Variants in CCDC30 observed in about 807,000 individuals in gnomAD.
The protein encoded by CCDC30 is coiled-coil domain-containing protein 30.
A neutral mutation model predicts 100.2 loss-of-function variants in CCDC30; 70 were observed. The ratio of observed to expected loss-of-function variants is 0.70; its 90% CI spans 0.58 to 0.85. The LOEUF is 0.85. Ranked by LOEUF, CCDC30 falls within the 40% of genes least tolerant of loss-of-function variation. CCDC30 has a pLI of 0.00. For synonymous variants in CCDC30, 233 were observed against 269.5 expected (o/e 0.86, Z 1.33); for missense variants, 652 against 771.2 (o/e 0.85, Z 1.83).
At chr1:42,546,787 A>C (rs1645154161) in intron 6 of CCDC30, among the ~76,000 whole-genome samples, 1 of 152,112 alleles carries the variant, frequency 6.6e-6, no homozygotes, top group Non-Finnish European at 1.5e-5. Context: ...AACCAAAAGT[A>C]TCTTTCACAG....
intron 11 of CCDC30, among the ~76,000 whole-genome samples, chr1:42,619,126 A>T (rs914864549): frequency 2.0e-5 from 3 of 152,092 alleles, no homozygotes; most frequent in African/African-American, 7.2e-5. Context: ...GCAGTCAATC[A>T]CTCCGGCATG....
At chr1:42,545,987 A>G (rs1033983637) in intron 6 of CCDC30, among the ~76,000 whole-genome samples, 2 of 151,318 alleles carry the variant, frequency 1.3e-5, no homozygotes, top group African/African-American at 4.9e-5. Context: ...TTCATTTCCA[A>G]ATTATGTGAG....
At chr1:42,583,361 A>G (rs1440614550) in intron 9 of CCDC30, among the ~76,000 whole-genome samples, 1 of 152,226 alleles carries the variant, frequency 6.6e-6, no homozygotes, top group Non-Finnish European at 1.5e-5. Context: ...ATATGTATGC[A>G]CTATTTAAAC....
chr1:42,626,218 T>A (rs1266441266), intron 11 of CCDC30, among the ~76,000 whole-genome samples: 1 of 152,188 alleles, frequency 6.6e-6, no homozygotes, highest in African/African-American at 2.4e-5. Context: ...TCCTTTTCCA[T>A]CCCTTTGTTT....
chr1:42,508,744 A>C (rs558615213), intron 6 of CCDC30, among the ~76,000 whole-genome samples: 1 of 152,214 alleles, frequency 6.6e-6, no homozygotes, highest in Admixed American at 6.5e-5. Flanking sequence ...AGACTACCAG[A>C]AGTTATCTTA....
intron 6 of CCDC30, among the ~76,000 whole-genome samples, chr1:42,543,854 G>A (rs930390426): frequency 1.3e-5 from 2 of 152,110 alleles, no homozygotes; most frequent in South Asian, 2.1e-4. Flanking sequence ...GAATTGAAAA[G>A]GCATAGGAAA....
At chr1:42,470,675 CATT>C (rs1469257294) in intron 1 of CCDC30, among the ~76,000 whole-genome samples, 20 of 152,158 alleles carry the variant, frequency 1.3e-4, no homozygotes, top group Admixed American at 1.3e-3. Context: ...ATCTTGAAGA[CATT>C]ATGCTGCATG....
At chr1:42,503,587 A>T (rs1162259006) in intron 6 of CCDC30, among the ~76,000 whole-genome samples, 2 of 152,210 alleles carry the variant, frequency 1.3e-5, no homozygotes, top group Non-Finnish European at 1.5e-5. Flanking sequence ...AAGAGAAGAG[A>T]AGATGGAGCT....
intron 6 of CCDC30, among the ~76,000 whole-genome samples, chr1:42,519,159 T>C (rs997856125): frequency 1.3e-5 from 2 of 152,228 alleles, no homozygotes; most frequent in African/African-American, 4.8e-5. Flanking sequence ...ATAATCCTTT[T>C]AATATGCTAC....
At chr1:42,459,600 C>A, upstream of CCDC30, 1 of 1,610,716 alleles carries the variant, frequency 6.2e-7, no homozygotes, top group Non-Finnish European at 8.5e-7. Context: ...TTTTCCAATA[C>A]AGATAACAAT....
At chr1:42,619,591 G>A (rs1364450763) in intron 11 of CCDC30, among the ~76,000 whole-genome samples, 1 of 146,838 alleles carries the variant, frequency 6.8e-6, no homozygotes, top group Non-Finnish European at 1.5e-5. Context: ...GAGAAGAGGA[G>A]GCCTCCCTAG....
chr1:42,520,851 A>G (rs1432623773), intron 6 of CCDC30, among the ~76,000 whole-genome samples: 3 of 143,772 alleles, frequency 2.1e-5, no homozygotes, highest in Admixed American at 1.4e-4. Flanking sequence ...GTTTCACTGT[A>G]TTAGCCAGGA....
At chr1:42,518,617 G>C (rs1644590321) in intron 6 of CCDC30, among the ~76,000 whole-genome samples, 1 of 152,180 alleles carries the variant, frequency 6.6e-6, no homozygotes, top group Admixed American at 6.5e-5. Context: ...GCCTAGGTGT[G>C]TAATAGGATA....
At chr1:42,640,776 G>A (rs1305715247) in intron 12 of CCDC30, among the ~76,000 whole-genome samples, 2 of 151,852 alleles carry the variant, frequency 1.3e-5, no homozygotes, top group African/African-American at 4.8e-5. Flanking sequence ...CACCTATAAT[G>A]TCAGCTACTC....
At chr1:42,588,058 G>C (rs546065555) in intron 9 of CCDC30, among the ~76,000 whole-genome samples, 5 of 152,306 alleles carry the variant, frequency 3.3e-5, no homozygotes, top group African/African-American at 1.2e-4. Flanking sequence ...GAATTAGTGA[G>C]GGGTAAGGAA....
chr1:42,552,499 C>G (rs1448864614), intron 6 of CCDC30, among the ~76,000 whole-genome samples: 2 of 152,058 alleles, frequency 1.3e-5, no homozygotes, highest in African/African-American at 4.8e-5. Context: ...AGTCATTCAT[C>G]CTTCTTAATG....
intron 7 of CCDC30, among the ~76,000 whole-genome samples, chr1:42,572,149 A>G (rs1237703066): frequency 6.6e-6 from 1 of 152,222 alleles, no homozygotes; most frequent in Non-Finnish European, 1.5e-5. Flanking sequence ...GAAGGTTCCC[A>G]TTGCTCTACA....
chr1:42,654,161 T>G, exon 17 of CCDC30: 3 of 650,450 alleles, frequency 4.6e-6, no homozygotes, highest in Non-Finnish European at 5.3e-6. Flanking sequence ...AAACTGCTGA[T>G]AAATTCATTA....
At chr1:42,459,986 C>T, upstream of CCDC30, 3 of 1,503,870 alleles carry the variant, frequency 2.0e-6, no homozygotes, top group Non-Finnish European at 2.6e-6. Flanking sequence ...GTGAAAACTA[C>T]AAAAAAAACC....
Sources: allele counts gnomAD v4.1 joint callset (sites outside exome capture counted in the v4.1 genomes callset), GRCh38; gene constraint gnomAD v4.1.1; transcripts MANE v1.5; gene names NCBI Gene and HGNC (gene_info 2026-07-23, HGNC 2026-07-21).